The following CNTNAP2 variants were observed in gnomAD, a reference collection of about 807,000 sequenced individuals.
CNTNAP2 encodes contactin-associated protein-like 2.
CNTNAP2 carries 98 observed loss-of-function variants against 155.2 expected under a neutral mutation model. The observed-to-expected ratio is 0.63, with a 90% CI of 0.54 to 0.75. The LOEUF (loss-of-function observed/expected upper bound fraction) is 0.75, where lower values mean the gene tolerates loss of function less well. CNTNAP2 is among the 30% of genes least tolerant of loss of function. The pLI, the probability that CNTNAP2 is intolerant of heterozygous loss-of-function variation, is 0.00. For missense variants in CNTNAP2, 1,727 were observed against 1,688.1 expected, an observed-to-expected ratio of 1.02 and a Z score of -0.40; for synonymous variants, 651 against 631.2, an observed-to-expected ratio of 1.03 and a Z score of -0.47.
intron 10 of CNTNAP2, among the ~76,000 whole-genome samples, chr7:147,422,637 C>T (rs887300104): frequency 2.0e-5 from 3 of 152,084 alleles, no homozygotes; most frequent in Non-Finnish European, 4.4e-5. Flanking sequence ...ATCATTAATA[C>T]TGATACCATC....
At chr7:148,142,495 A>G (rs1805096390) in intron 16 of CNTNAP2, among the ~76,000 whole-genome samples, 1 of 152,182 alleles carries the variant, frequency 6.6e-6, no homozygotes, top group Non-Finnish European at 1.5e-5. Flanking sequence ...GTATGACTCA[A>G]ATGAGATTTA....
At chr7:147,158,195 C>T (rs1801962147) in intron 8 of CNTNAP2, among the ~76,000 whole-genome samples, 1 of 152,052 alleles carries the variant, frequency 6.6e-6, no homozygotes, top group African/African-American at 2.4e-5. Context: ...AAACAAATAA[C>T]TCTACATTTT....
At chr7:146,183,087 A>G (rs955687985) in intron 1 of CNTNAP2, among the ~76,000 whole-genome samples, 3 of 152,172 alleles carry the variant, frequency 2.0e-5, no homozygotes, top group African/African-American at 7.2e-5. Context: ...ATTTTTGGAC[A>G]TTCCATGTTT....
At chr7:147,144,669 G>T (rs1022368450) in intron 8 of CNTNAP2, among the ~76,000 whole-genome samples, 3 of 152,104 alleles carry the variant, frequency 2.0e-5, no homozygotes, top group Middle Eastern at 3.2e-3. Flanking sequence ...GTCTCTATAG[G>T]AATTATTTCC....
intron 3 of CNTNAP2, among the ~76,000 whole-genome samples, chr7:146,901,015 A>C (rs894068042): frequency 1.4e-5 from 2 of 147,382 alleles, no homozygotes; most frequent in Admixed American, 6.8e-5. Context: ...CAACAATGCT[A>C]TTCTGATTAA....
At chr7:148,196,604 C>T (rs546073059) in intron 18 of CNTNAP2, among the ~76,000 whole-genome samples, 1 of 152,110 alleles carries the variant, frequency 6.6e-6, no homozygotes, top group African/African-American at 2.4e-5. Context: ...CACAAGAATC[C>T]AATAAGGGAG....
At chr7:146,251,543 A>G (rs984304068) in intron 1 of CNTNAP2, among the ~76,000 whole-genome samples, 1 of 152,214 alleles carries the variant, frequency 6.6e-6, no homozygotes, top group African/African-American at 2.4e-5. Context: ...TCTAAGTTGC[A>G]TATAGCAAAG....
chr7:146,702,032 G>A (rs539570236), intron 1 of CNTNAP2, among the ~76,000 whole-genome samples: 1 of 152,240 alleles, frequency 6.6e-6, no homozygotes, highest in South Asian at 2.1e-4. Flanking sequence ...CAGCTATATT[G>A]TACTTTATTT....
chr7:147,769,123 G>A (rs1360164682), intron 13 of CNTNAP2, among the ~76,000 whole-genome samples: 5 of 152,036 alleles, frequency 3.3e-5, no homozygotes, highest in Non-Finnish European at 5.9e-5. Flanking sequence ...TAGCACATGT[G>A]GTGAAAGATT....
Position 147,300,188 on chromosome 7 carries a change from A to G in CNTNAP2, c.1396A>G (p.Lys466Glu). ...GQWHEVRFLA[K>E]ENFAILTIDG... ...GTGGCACGAGGTTCGCTTCCTAGCC[A>G]AGGAAAATTTTGCTATTCTCACCAT... The change falls in exon 9 of 24, where the codon AAG becomes GAG. Residue 466 changes from lysine to glutamate, a missense_variant. Lys to Glu is a moderately conservative substitution (Grantham distance 56). Transcript: ENST00000361727. The G allele has an allele frequency of 6.2e-7, 1 of 1,614,074 alleles. No individual in the cohort carries two copies. The highest frequency in any genetic ancestry group is 8.5e-7 in the Non-Finnish European group (1 of 1,179,952).
chr7:148,058,900 G>A (rs1217599597), intron 15 of CNTNAP2, among the ~76,000 whole-genome samples: 1 of 152,054 alleles, frequency 6.6e-6, no homozygotes, highest in Non-Finnish European at 1.5e-5. Context: ...GAACAAAAGG[G>A]GCACACAGGG....
intron 1 of CNTNAP2, among the ~76,000 whole-genome samples, chr7:146,634,975 T>A (rs1799573942): frequency 6.6e-6 from 1 of 152,164 alleles, no homozygotes; most frequent in South Asian, 2.1e-4. Flanking sequence ...TTACCAAAGT[T>A]TACTGGTAAA....
At chr7:147,496,772 A>G (rs1584771435) in intron 11 of CNTNAP2, 1 of 150,894 alleles carries the variant, frequency 6.6e-6, no homozygotes, top group Non-Finnish European at 1.5e-5. Context: ...AAGTTGAATT[A>G]TTGGTTCCCG....
intron 11 of CNTNAP2, among the ~76,000 whole-genome samples, chr7:147,520,231 G>A (rs1336668693): frequency 6.6e-6 from 1 of 152,140 alleles, no homozygotes; most frequent in African/African-American, 2.4e-5. Flanking sequence ...GAATGTTAAT[G>A]TATTTCCATA....
At chr7:146,986,549 T>C (rs1352677514) in intron 3 of CNTNAP2, among the ~76,000 whole-genome samples, 1 of 152,202 alleles carries the variant, frequency 6.6e-6, no homozygotes, top group Non-Finnish European at 1.5e-5. Flanking sequence ...CAAATGGTAG[T>C]TCTACTTTTA....
chr7:147,896,016 GAAC>G (rs1473478839), intron 13 of CNTNAP2, among the ~76,000 whole-genome samples: 1 of 152,186 alleles, frequency 6.6e-6, no homozygotes, highest in Admixed American at 6.5e-5. Flanking sequence ...AAAAAGAACA[GAAC>G]AACATCAATT....
intron 1 of CNTNAP2, among the ~76,000 whole-genome samples, chr7:146,535,007 A>G (rs1797825215): frequency 7.4e-6 from 1 of 135,812 alleles, no homozygotes; most frequent in African/African-American, 2.8e-5. Flanking sequence ...ATACACAATT[A>G]GGCGTGCCAT....
At chr7:148,410,605 C>T (rs537925669) in intron 23 of CNTNAP2, among the ~76,000 whole-genome samples, 89 of 148,878 alleles carry the variant, frequency 6.0e-4, no homozygotes, top group African/African-American at 2.0e-3. Context: ...AGGGAAATGC[C>T]AGTCTGATTT....
At chr7:147,605,488 T>C (rs1801042300) in intron 12 of CNTNAP2, among the ~76,000 whole-genome samples, 1 of 152,074 alleles carries the variant, frequency 6.6e-6, no homozygotes, top group Non-Finnish European at 1.5e-5. Context: ...CGAGCAAAGG[T>C]TACCTTGTCA....
Sources: gnomAD v4.1 joint callset for allele counts (sites outside exome capture counted in the v4.1 genomes callset) on GRCh38, gnomAD v4.1.1 for gene constraint, MANE v1.5 for transcripts, NCBI Gene and HGNC (gene_info 2026-07-23, HGNC 2026-07-21) for gene names.